RHCE: variants seen among roughly 807,000 people sequenced by gnomAD.
The protein encoded by RHCE is blood group Rh(CE) polypeptide.
RHCE carries 22 observed loss-of-function variants against 43.8 expected under a neutral mutation model. The ratio of observed to expected loss-of-function variants is 0.50; its 90% confidence interval spans 0.36 to 0.72. The LOEUF is 0.72. Among genes scored for constraint, RHCE ranks in the 30% least tolerant of loss-of-function variants. The pLI, the probability that RHCE is intolerant of heterozygous loss-of-function variation, is 0.00. For synonymous variants in RHCE, 156 were observed against 210.7 expected (o/e 0.74, Z 2.25); for missense variants, 385 against 525.4 (o/e 0.73, Z 2.61).
chr1:25,424,407 G>A (rs1303519292), upstream of RHCE, among the ~76,000 whole-genome samples: 1 of 151,464 alleles, frequency 6.6e-6, no homozygotes, highest in Non-Finnish European at 1.5e-5. Flanking sequence ...TTTTTTTTTA[G>A]ATGAAGTTTT....
chr1:25,384,805 A>T (rs1458891101), intron 7 of RHCE, among the ~76,000 whole-genome samples: 1 of 152,190 alleles, frequency 6.6e-6, no homozygotes, highest in Non-Finnish European at 1.5e-5. Context: ...TTGGGCAGAT[A>T]ACTTCTCTTA....
intron 2 of RHCE, among the ~76,000 whole-genome samples, chr1:25,408,159 T>C (rs1489643021): frequency 8.2e-6 from 1 of 121,670 alleles, no homozygotes; most frequent in African/African-American, 2.5e-5. Flanking sequence ...TGGTGGCACA[T>C]GCCTATAATC....
intron 6 of RHCE, 67 bp from the exon 7 acceptor site, chr1:25,385,911 C>G: frequency 6.2e-7 from 1 of 1,612,648 alleles, no homozygotes; most frequent in Non-Finnish European, 8.5e-7. Flanking sequence ...ACCCCTTTCA[C>G]ACACCCTTGG....
chr1:25,395,445 G>C (rs767625691), intron 3 of RHCE, among the ~76,000 whole-genome samples: 1 of 152,196 alleles, frequency 6.6e-6, no homozygotes, highest in Non-Finnish European at 1.5e-5. Flanking sequence ...GACTACCTGG[G>C]ATCTCAGTGG....
At chr1:25,402,356 C>G (rs34282478) in intron 3 of RHCE, among the ~76,000 whole-genome samples, 16 of 151,540 alleles carry the variant, frequency 1.1e-4, no homozygotes, top group African/African-American at 2.2e-4. Context: ...GAGTAACTGA[C>G]ACTACAGGTG....
chr1:25,427,351 C>T (rs1221496763), intron 2 of RHCE, among the ~76,000 whole-genome samples: 1 of 152,184 alleles, frequency 6.6e-6, no homozygotes, highest in Non-Finnish European at 1.5e-5. Flanking sequence ...CCTCTGTAGG[C>T]CTTGGTCTTT....
chr1:25,425,935 A>G (rs1331470974), intron 2 of RHCE, among the ~76,000 whole-genome samples: 2 of 152,186 alleles, frequency 1.3e-5, no homozygotes, highest in African/African-American at 2.4e-5. Flanking sequence ...TTGATTTAAC[A>G]CACATGAGCT....
intron 7 of RHCE, among the ~76,000 whole-genome samples, chr1:25,383,769 A>C (rs993993108): frequency 6.6e-6 from 1 of 152,104 alleles, no homozygotes; most frequent in Non-Finnish European, 1.5e-5. Context: ...GATGTGCTGG[A>C]GCCAGTTCCC....
chr1:25,416,826 G>GGGC (rs1553161326), intron 1 of RHCE, among the ~76,000 whole-genome samples: 2 of 148,264 alleles, frequency 1.3e-5, no homozygotes, highest in African/African-American at 5.0e-5. Context: ...TGGCGGGGGG[G>GGGC]GGTCTCCCTA....
At chr1:25,418,485 T>C (rs912847467) in intron 1 of RHCE, among the ~76,000 whole-genome samples, 8 of 152,110 alleles carry the variant, frequency 5.3e-5, no homozygotes, top group Admixed American at 4.6e-4. Flanking sequence ...ATAATTTTAG[T>C]AGAGATGGGG....
chr1:25,385,845 C>A lies in RHCE; in HGVS notation c.940-1G>T. On this transcript the variant is annotated splice_acceptor_variant, in intron 6 of 9. Transcript: ENST00000294413. LOFTEE classifies it high-confidence loss of function. ...TCCCCAGCACTCGGTTACAACACACCTGTGGACAAGTGTTATTATAAGCAG... is the reference window on the plus strand; with the variant it reads ...TCCCCAGCACTCGGTTACAACACACATGTGGACAAGTGTTATTATAAGCAG... 1 of 1,614,036 alleles carries A rather than the reference C, an allele frequency of 6.2e-7. No homozygotes were observed. The highest frequency in any genetic ancestry group is 8.5e-7 in the Non-Finnish European group (1 of 1,180,006).
intron 8 of RHCE, among the ~76,000 whole-genome samples, chr1:25,370,808 G>A (rs1645585155): frequency 6.6e-6 from 1 of 150,432 alleles, no homozygotes; most frequent in Non-Finnish European, 1.5e-5. Flanking sequence ...GAGTACCGTG[G>A]CATGATCTCG....
chr1:25,415,371 G>T (rs1374034766), intron 1 of RHCE, among the ~76,000 whole-genome samples: 3 of 152,104 alleles, frequency 2.0e-5, no homozygotes, highest in Admixed American at 2.0e-4. Context: ...AAAGCTTTTG[G>T]GCCAGGCATG....
intron 7 of RHCE, among the ~76,000 whole-genome samples, chr1:25,384,606 C>A (rs200469978): frequency 1.3e-3 from 194 of 152,298 alleles, no homozygotes; most frequent in Non-Finnish European, 2.4e-3. Context: ...CTCCTCATCC[C>A]AAGCAAGGAT....
chr1:25,401,796 T>C lies in RHCE; in HGVS notation c.486+800A>G, dbSNP rs144698010. On this transcript the variant is annotated intron_variant, in intron 3 of 9. Coordinates refer to ENST00000294413, the MANE Select transcript of RHCE (RefSeq NM_020485.8). ...GTAGTAGTTAAAGGCACTGGTTTGT[T>C]GTGTTTAAACATTTGCACAGACCAC... 1.2e-3 allele frequency among the ~76,000 whole-genome samples: 184 copies of C among 152,354 alleles called. 1 individual carries two copies. Among genetic ancestry groups the C allele is most frequent in the African/African-American group, 4.1e-3 (171 of 41,584 alleles).
intron 8 of RHCE, among the ~76,000 whole-genome samples, chr1:25,370,804 C>A (rs1028324035): frequency 6.7e-6 from 1 of 150,160 alleles, no homozygotes; most frequent in African/African-American, 2.5e-5. Context: ...GCTGGAGTAC[C>A]GTGGCATGAT....
intron 7 of RHCE, chr1:25,385,454 G>T (rs946616439): frequency 1.6e-4 from 87 of 557,642 alleles, no homozygotes; most frequent in African/African-American, 1.5e-3. Context: ...GTGTTTGTGG[G>T]GTCACAGAAG....
chr1:25,380,777 A>G (rs1414327889), intron 7 of RHCE, among the ~76,000 whole-genome samples: 6 of 151,506 alleles, frequency 4.0e-5, no homozygotes, highest in Non-Finnish European at 7.4e-5. Context: ...GCCCTCTTAG[A>G]GCTCTGGGCC....
At chr1:25,424,455 T>A (rs1359013411), upstream of RHCE, among the ~76,000 whole-genome samples, 2 of 152,064 alleles carry the variant, frequency 1.3e-5, no homozygotes, top group African/African-American at 4.8e-5. Flanking sequence ...TGGCACAATC[T>A]CGGCTCACTG....
Sources: allele counts gnomAD v4.1 joint callset (sites outside exome capture counted in the v4.1 genomes callset), GRCh38; gene constraint gnomAD v4.1.1; transcripts MANE v1.5; gene names NCBI Gene and HGNC (gene_info 2026-07-23, HGNC 2026-07-21).